The following CEP250 variants were observed in gnomAD, a reference collection of about 807,000 sequenced individuals.
CEP250 encodes centrosomal protein 250.
CEP250 carries 242 observed loss-of-function variants against 315.7 expected under a neutral mutation model. The observed-to-expected ratio is 0.77, with a 90% CI of 0.69 to 0.85. The LOEUF (loss-of-function observed/expected upper bound fraction) is 0.85, where lower values mean the gene tolerates loss of function less well. CEP250 is among the 40% of genes least tolerant of loss of function. The pLI is 0.00. For missense variants in CEP250, 2,515 were observed against 2,886.4 expected (o/e 0.87, Z 2.95); for synonymous variants, 1,088 against 1,175.0 (o/e 0.93, Z 1.51).
chr20:35,491,429 A>G, intron 22 of CEP250, 83 bp downstream of exon 22: 1 of 1,438,828 alleles, frequency 7.0e-7, no homozygotes, highest in South Asian at 1.2e-5. Flanking sequence ...GGCACTTCTT[A>G]TGTGCCAGGC....
chr20:35,499,102 C>T (rs1190632253), intron 27 of CEP250, among the ~76,000 whole-genome samples: 1 of 152,112 alleles, frequency 6.6e-6, no homozygotes. Context: ...TGGTGAAACC[C>T]CATCTCTACT....
rs2064431431 is a variant in CEP250, at chr20:35,515,926, G to C, written c.*4300G>C. On this transcript the variant is annotated 3_prime_UTR_variant, in exon 35 of 35. Coordinates refer to ENST00000397527, the MANE Select transcript of CEP250 (RefSeq NM_007186.6). Reference sequence around the variant, plus strand: ...TCTACCCTGCTGGAGGTGAGGATGAGAGGTGAGACTTCGTTGGACTGTGCT... The same window carrying C: ...TCTACCCTGCTGGAGGTGAGGATGACAGGTGAGACTTCGTTGGACTGTGCT... The C allele has an allele frequency of 6.6e-6, 1 of 152,268 alleles. No individual in the cohort carries two copies. Among genetic ancestry groups the C allele is most frequent in the African/African-American group, 2.4e-5 (1 of 41,464 alleles). The allele number at this position is 152,268 out of a possible 1,614,324, so 9.4% of individuals were successfully genotyped here. A position where few individuals can be genotyped will look rare whatever the true frequency, so the allele number is the denominator to read the frequency against.
Position 35,469,969 on chromosome 20 carries a change from G to C in CEP250, c.931G>C (p.Glu311Gln), listed in dbSNP as rs758805584. 6.2e-7 allele frequency: 1 copy of C among 1,612,458 alleles called. No homozygotes were observed. Among genetic ancestry groups the C allele is most frequent in the South Asian group, 1.1e-5 (1 of 91,058 alleles). The change falls in exon 10 of 35, where the codon GAG becomes CAG. Residue 311 changes from glutamate (E) to glutamine (Q), a missense_variant. Physicochemically the swap from Glu to Gln is conservative, Grantham distance 29. Coordinates refer to ENST00000397527, the MANE Select transcript of CEP250 (RefSeq NM_007186.6). ...TGAAAAGATGATAAAGGCTCTGAGA[G>C]AGACAGTGGAGATCCTGGTACATGA... ...DYEKMIKALR[E>Q]TVEILETNHT...
chr20:35,483,713 T>C (rs2063424343), intron 20 of CEP250, among the ~76,000 whole-genome samples: 1 of 152,022 alleles, frequency 6.6e-6, no homozygotes, highest in Non-Finnish European at 1.5e-5. Flanking sequence ...TGGTTAGTTG[T>C]ATGTCAGACC....
rs373402717 is a variant in CEP250 at position 35,504,841 on chromosome 20, G to T, written c.6472G>T (p.Ala2158Ser). 7 of 1,614,124 alleles carry T rather than the reference G, an allele frequency of 4.3e-6. No individual in the cohort carries two copies. Among genetic ancestry groups the T allele is most frequent in the Non-Finnish European group, 3.4e-6 (4 of 1,180,056 alleles). The change falls in exon 30 of 35, where the codon GCC (alanine) becomes TCC (serine). Residue 2158 changes from alanine (A) to serine (S), a missense_variant. By Grantham distance (99) the Ala-to-Ser change is moderately conservative. Transcript: ENST00000397527. ...LQRELERLQA[A>S]LRQTEAREIE... is the part of the protein sequence containing the mutation. ...GCGGGAGCTGGAGCGGCTACAGGCA[G>T]CCCTGAGACAGACAGAAGCCAGGGA...
intron 20 of CEP250, 21 bp from the exon 21 acceptor site, chr20:35,490,616 G>A: frequency 6.2e-7 from 1 of 1,607,968 alleles, no homozygotes; most frequent in Admixed American, 1.7e-5. Flanking sequence ...GGTTCTAATG[G>A]TGTTTCCTTC....
chr20:35,496,399 C>T (rs986474675), intron 24 of CEP250, among the ~76,000 whole-genome samples, 178 bp from the exon 25 acceptor site: 8 of 151,890 alleles, frequency 5.3e-5, no homozygotes, highest in African/African-American at 1.9e-4. Flanking sequence ...CAGGAAGTAC[C>T]TAGGAGCACT....
intron 17 of CEP250, among the ~76,000 whole-genome samples, chr20:35,478,577 A>G (rs1255028559): frequency 6.6e-6 from 1 of 152,082 alleles, no homozygotes; most frequent in Non-Finnish European, 1.5e-5. Context: ...AACAAAAAGA[A>G]TTCTTCACTG....
chr20:35,518,787 T>A lies in CEP250; in HGVS notation c.*7161T>A, dbSNP rs1182536798. ...GGCTCACGCCTGTAATCCTAGCACT[T>A]GTGGGAGGCTGAGGCAGGCGGATTG... is the stretch of plus-strand genomic sequence containing the variant. On this transcript the variant is annotated 3_prime_UTR_variant, in exon 35 of 35. Coordinates refer to ENST00000397527, the MANE Select transcript of CEP250 (RefSeq NM_007186.6). The A allele has an allele frequency of 6.6e-6, 1 of 152,130 alleles. No individual in the cohort carries two copies. Among genetic ancestry groups the A allele is most frequent in the South Asian group, 2.1e-4 (1 of 4,818 alleles). The allele number at this position is 152,130 out of a possible 1,614,324, so 9.4% of individuals were successfully genotyped here. A position where few individuals can be genotyped will look rare whatever the true frequency, so the allele number is the denominator to read the frequency against.
At chr20:35,507,873 A>T in intron 31 of CEP250, 22 bp downstream of exon 31, 1 of 1,606,968 alleles carries the variant, frequency 6.2e-7, no homozygotes, top group Non-Finnish European at 8.5e-7. Context: ...GCTCTGGGGG[A>T]ACAGGTGACC....
At chr20:35,493,938 C>G (rs2063765276) in intron 23 of CEP250, among the ~76,000 whole-genome samples, 1 of 152,178 alleles carries the variant, frequency 6.6e-6, no homozygotes, top group African/African-American at 2.4e-5. Flanking sequence ...AAAGCAATCA[C>G]AATACATGTT....
chr20:35,469,138 T>A (rs1198184796), intron 9 of CEP250, among the ~76,000 whole-genome samples: 1 of 152,048 alleles, frequency 6.6e-6, no homozygotes, highest in Non-Finnish European at 1.5e-5. Flanking sequence ...AGTGAGACCT[T>A]GTCTCTACTA....
chr20:35,467,645 A>C, intron 9 of CEP250, 90 bp downstream of exon 9: 1 of 1,421,792 alleles, frequency 7.0e-7, no homozygotes, highest in Non-Finnish European at 9.6e-7. Flanking sequence ...GGTGCCAGGA[A>C]CATTCCTACC....
chr20:35,460,222 C>T (rs1218562452), intron 3 of CEP250, 117 bp downstream of exon 3: 1 of 152,178 alleles, frequency 6.6e-6, no homozygotes, highest in Admixed American at 6.5e-5. Flanking sequence ...CTGGTGCCAC[C>T]AAACCTTTAT....
intron 28 of CEP250, among the ~76,000 whole-genome samples, chr20:35,500,660 C>T (rs1286883028): frequency 6.6e-6 from 1 of 152,246 alleles, no homozygotes; most frequent in Non-Finnish European, 1.5e-5. Flanking sequence ...ATCCGCCTGC[C>T]TCGACCTCCC....
At position 35,467,389 on chromosome 20, in the gene CEP250, T is replaced by G. The variant is rs1346851909; in HGVS notation, c.685T>G (p.Ser229Ala). Residue 229 changes from serine to alanine, a missense_variant, in exon 9 of 35, where the codon TCT (serine) becomes GCT (alanine). By Grantham distance (99) the Ser-to-Ala change is moderately conservative. Coordinates refer to ENST00000397527, the MANE Select transcript of CEP250 (RefSeq NM_007186.6). ...TCTGCGCTTGACTGTGGGAGCACAGTCTCGGGAACCCAACGGATCTGGAAG... is the reference window on the plus strand; with the variant it reads ...TCTGCGCTTGACTGTGGGAGCACAGGCTCGGGAACCCAACGGATCTGGAAG... ...CCLRLTVGAQSREPNGSGRMD... is the reference protein window; with the variant it reads ...CCLRLTVGAQAREPNGSGRMD... 6.2e-7 allele frequency: 1 copy of G among 1,614,044 alleles called. No homozygotes were observed. Among genetic ancestry groups the G allele is most frequent in the Non-Finnish European group, 8.5e-7 (1 of 1,180,036 alleles).
chr20:35,472,056 A>G lies in CEP250; in HGVS notation c.955A>G (p.Asn319Asp), dbSNP rs1307864876. 1 of 1,603,464 alleles carries G rather than the reference A, an allele frequency of 6.2e-7. No homozygotes were observed. Among genetic ancestry groups the G allele is most frequent in the Admixed American group, 1.7e-5 (1 of 60,014 alleles). Residue 319 changes from asparagine to aspartate, a missense_variant, in exon 11 of 35, where the codon AAT becomes GAT. Asn to Asp is a conservative substitution (Grantham distance 23, BLOSUM62 1). Transcript: ENST00000397527. ...LRETVEILET[N>D]HTELMEHEAS... Reference sequence around the variant, plus strand: ...TGTTCTATTCCCTGTTCAGGAGACAAATCACACAGAATTAATGGAACATGA... The same window carrying G: ...TGTTCTATTCCCTGTTCAGGAGACAGATCACACAGAATTAATGGAACATGA...
chr20:35,456,240 T>C (rs1032456657), intron 1 of CEP250, among the ~76,000 whole-genome samples: 1 of 152,206 alleles, frequency 6.6e-6, no homozygotes, highest in Admixed American at 6.5e-5. Flanking sequence ...GTGAGTTCTT[T>C]CTATAGCTTC....
chr20:35,483,166 C>T (rs1162636551), intron 20 of CEP250, among the ~76,000 whole-genome samples: 1 of 151,430 alleles, frequency 6.6e-6, no homozygotes, highest in Non-Finnish European at 1.5e-5. Context: ...ACTAAATATA[C>T]AAAATTAGCC....
Sources: allele counts gnomAD v4.1 joint callset (sites outside exome capture counted in the v4.1 genomes callset), GRCh38; gene constraint gnomAD v4.1.1; transcripts MANE v1.5; gene names NCBI Gene and HGNC (gene_info 2026-07-23, HGNC 2026-07-21).